LDB2: variants seen among roughly 807,000 people sequenced by gnomAD.
LDB2 encodes the protein LIM domain-binding protein 2.
A neutral mutation model predicts 44.3 loss-of-function variants in LDB2; 12 were observed. The observed-to-expected ratio is 0.27, with a 90% CI of 0.17 to 0.44. The LOEUF is 0.44. LDB2 is among the 20% of genes least tolerant of loss of function. LDB2 has a pLI of 1.00. For synonymous variants in LDB2, 164 were observed against 174.8 expected, an observed-to-expected ratio of 0.94 and a Z score of 0.49; for missense variants, 344 against 473.5, an observed-to-expected ratio of 0.73 and a Z score of 2.54.
At chr4:16,840,541 C>A (rs1785685186) in intron 1 of LDB2, among the ~76,000 whole-genome samples, 1 of 152,174 alleles carries the variant, frequency 6.6e-6, no homozygotes, top group African/African-American at 2.4e-5. Flanking sequence ...GCTTTAATAG[C>A]TTATCTACAG....
chr4:16,564,922 A>T (rs1743938389), intron 5 of LDB2, among the ~76,000 whole-genome samples: 1 of 152,228 alleles, frequency 6.6e-6, no homozygotes. Flanking sequence ...TATTAGTAAC[A>T]CTCAACACTG....
chr4:16,887,771 T>A lies in LDB2; in HGVS notation c.132+10583A>T, dbSNP rs56205886. 6.5e-3 allele frequency among the ~76,000 whole-genome samples: 982 copies of A among 152,212 alleles called. 6 individuals carry two copies. Among genetic ancestry groups the A allele is most frequent in the South Asian group, 0.017 (83 of 4,822 alleles). ...CTTACTTTATAAAAGTTGATAAAAA[T>A]TATTATTAATATAAGACTATAAAAA... On this transcript the variant is annotated intron_variant, in intron 1 of 7. Transcript: ENST00000304523.
intron 7 of LDB2, among the ~76,000 whole-genome samples, chr4:16,508,015 A>G (rs1720223709): frequency 6.6e-6 from 1 of 152,180 alleles, no homozygotes; most frequent in African/African-American, 2.4e-5. Context: ...CCCCTTAGCT[A>G]ATGCAATGGG....
intron 1 of LDB2, chr4:16,826,425 C>T (rs1783078887): frequency 6.6e-6 from 1 of 152,158 alleles, no homozygotes; most frequent in Non-Finnish European, 1.5e-5. Context: ...TAAATATTAC[C>T]TTACCTGGGG....
At chr4:16,639,160 CT>C (rs1411115767) in intron 2 of LDB2, among the ~76,000 whole-genome samples, 1 of 152,086 alleles carries the variant, frequency 6.6e-6, no homozygotes, top group Non-Finnish European at 1.5e-5. Context: ...ATTTTTCCCC[CT>C]GAATGATTAT....
intron 2 of LDB2, among the ~76,000 whole-genome samples, chr4:16,597,481 C>A (rs1721296889): frequency 6.6e-6 from 1 of 152,226 alleles, no homozygotes; most frequent in East Asian, 1.9e-4. Context: ...ATAAAGAAAA[C>A]TTTGTAATGC....
At chr4:16,592,598 T>C (rs1719521398) in intron 3 of LDB2, among the ~76,000 whole-genome samples, 1 of 151,118 alleles carries the variant, frequency 6.6e-6, no homozygotes, top group South Asian at 2.1e-4. Context: ...TGAAATATAA[T>C]GTAGTATACA....
chr4:16,637,756 T>C (rs1201707622), intron 2 of LDB2, among the ~76,000 whole-genome samples: 1 of 152,174 alleles, frequency 6.6e-6, no homozygotes, highest in African/African-American at 2.4e-5. Flanking sequence ...CATTCTTTAA[T>C]ATCTTAATTA....
intron 2 of LDB2, among the ~76,000 whole-genome samples, chr4:16,663,259 T>C (rs901589347): frequency 1.3e-5 from 2 of 152,200 alleles, no homozygotes; most frequent in Non-Finnish European, 2.9e-5. Flanking sequence ...GGTGTGCTGG[T>C]AAATGTTTAA....
intron 1 of LDB2, among the ~76,000 whole-genome samples, chr4:16,807,611 T>G (rs1024503904): frequency 1.3e-5 from 2 of 152,224 alleles, no homozygotes; most frequent in Admixed American, 1.3e-4. Flanking sequence ...GCTAATGAGC[T>G]ATTTCATTTG....
At chr4:16,511,444 A>ATCTT (rs1354176014) in intron 6 of LDB2, among the ~76,000 whole-genome samples, 2 of 152,182 alleles carry the variant, frequency 1.3e-5, no homozygotes, top group African/African-American at 2.4e-5. Context: ...GATACAATAT[A>ATCTT]TCTTTAAAAA....
intron 1 of LDB2, among the ~76,000 whole-genome samples, chr4:16,761,470 G>A (rs557419293): frequency 6.0e-4 from 92 of 152,300 alleles, no homozygotes; most frequent in African/African-American, 2.1e-3. Flanking sequence ...ACTGCCTGGC[G>A]TTTCACAGTA....
chr4:16,597,714 CT>C (rs1721392431), intron 2 of LDB2, among the ~76,000 whole-genome samples: 2 of 152,116 alleles, frequency 1.3e-5, no homozygotes, highest in Admixed American at 6.6e-5. Flanking sequence ...TAACATTATA[CT>C]TTATTTATCA....
intron 1 of LDB2, among the ~76,000 whole-genome samples, chr4:16,791,571 A>AAAAAAAAAAAAAAAAAAT: frequency 6.6e-6 from 1 of 150,898 alleles, no homozygotes; most frequent in South Asian, 2.1e-4. Context: ...AAAAAAAAAA[A>AAAAAAAAAAAAAAAAAAT]AGAAAGACAG....
At chr4:16,596,895 T>C (rs1721101562) in intron 2 of LDB2, among the ~76,000 whole-genome samples, 2 of 152,232 alleles carry the variant, frequency 1.3e-5, no homozygotes, top group African/African-American at 4.8e-5. Flanking sequence ...TCAGGAATTT[T>C]GCCTATGTGC....
intron 1 of LDB2, among the ~76,000 whole-genome samples, chr4:16,762,658 G>C (rs1768191283): frequency 6.6e-6 from 1 of 152,192 alleles, no homozygotes; most frequent in Admixed American, 6.5e-5. Flanking sequence ...TCCCTCCCAT[G>C]ACACATGGGG....
chr4:16,796,781 G>C (rs770844645), intron 1 of LDB2, among the ~76,000 whole-genome samples: 2 of 152,142 alleles, frequency 1.3e-5, no homozygotes, highest in Non-Finnish European at 2.9e-5. Context: ...GATGTGATGA[G>C]AATGGCACTG....
chr4:16,696,508 A>G lies in LDB2; in HGVS notation c.235+62650T>C, dbSNP rs185749330. Among the ~76,000 whole-genome samples the G allele has an allele frequency of 4.1e-4, 63 of 152,302 alleles. No homozygotes were observed. The East Asian group carries it at 0.011, about 27-fold the overall frequency. ...GAATCAAAATTAGTTGTCTCTCCAC[A>G]GCCTAATTTGGGTCTTTTAGGAAGC... On this transcript the variant is annotated intron_variant, in intron 2 of 7. Transcript: ENST00000304523.
intron 5 of LDB2, among the ~76,000 whole-genome samples, chr4:16,579,991 G>A (rs1358634851): frequency 6.6e-6 from 1 of 152,198 alleles, no homozygotes; most frequent in Non-Finnish European, 1.5e-5. Context: ...CCAGCTGAGA[G>A]TCAGAGAGAT....
Sources: allele counts gnomAD v4.1 joint callset (sites outside exome capture counted in the v4.1 genomes callset), GRCh38; gene constraint gnomAD v4.1.1; transcripts MANE v1.5; gene names NCBI Gene and HGNC (gene_info 2026-07-23, HGNC 2026-07-21).